NRDC: variants seen among roughly 807,000 people sequenced by gnomAD.
NRDC encodes the protein nardilysin convertase.
A neutral mutation model predicts 147.1 loss-of-function variants in NRDC; 54 were observed. That is an observed-to-expected ratio of 0.37 (90% CI 0.29 to 0.46). The LOEUF is 0.46. NRDC is among the 20% of genes least tolerant of loss of function. The pLI is 1.00. For missense variants in NRDC, 1,082 were observed against 1,370.6 expected, an observed-to-expected ratio of 0.79 and a Z score of 3.33; for synonymous variants, 440 against 482.1, an observed-to-expected ratio of 0.91 and a Z score of 1.14.
intron 14 of NRDC, among the ~76,000 whole-genome samples, chr1:51,812,628 G>A (rs1679781247): frequency 6.6e-6 from 1 of 152,064 alleles, no homozygotes; most frequent in African/African-American, 2.4e-5. Flanking sequence ...AACCCATTAG[G>A]TTCTAGTCAT....
intron 1 of NRDC, among the ~76,000 whole-genome samples, chr1:51,843,063 C>CA (rs11356852): frequency 0.4 from 27,180 of 68,354 alleles, 5,246 homozygotes; most frequent in East Asian, 0.84. Context: ...AAACCTGTCT[C>CA]AAAAAAAAAA....
At position 51,839,557 on chromosome 1, in the gene NRDC, G is replaced by A. The variant is rs139165880; in HGVS notation, c.630+669C>T. On this transcript the variant is annotated intron_variant, in intron 2 of 30. Transcript: ENST00000352171. ...GGGTACTCCCTACTATGAAAATGGA[G>A]GTATTCTTCAAAAGATATTAAGAAA... Among the ~76,000 whole-genome samples the A allele has an allele frequency of 2.2e-3, 332 of 152,122 alleles. 7 individuals are homozygous for A. The highest frequency in any genetic ancestry group is 0.02 in the Admixed American group (305 of 15,260).
chr1:51,840,359 T>C lies in NRDC; in HGVS notation c.497A>G (p.Asp166Gly). 2 of 1,533,500 alleles carry C rather than the reference T, an allele frequency of 1.3e-6. No individual in the cohort carries two copies. The highest frequency in any genetic ancestry group is 1.8e-6 in the Non-Finnish European group (2 of 1,107,306). 95.0% of individuals were successfully genotyped at this position (1,533,500 alleles called of 1,614,324 possible). Residue 166 changes from aspartate (D) to glycine (G), a missense_variant, in exon 2 of 31, where the codon GAT becomes GGT. Physicochemically the swap from Asp to Gly is moderately conservative, Grantham distance 94. Coordinates refer to ENST00000352171, the MANE Select transcript of NRDC (RefSeq NM_001101662.2). ...ATCATCAAAACCCTCTTCATCGTCA[T>C]CTTCTATTTCAGCTCCAGAATCTTC... ...DDEDSGAEIE[D>G]DDEEGFDDED... is the part of the protein sequence containing the mutation.
intron 25 of NRDC, 88 bp downstream of exon 25, chr1:51,792,289 C>T: frequency 7.1e-7 from 1 of 1,411,944 alleles, no homozygotes; most frequent in Non-Finnish European, 1.0e-6. Flanking sequence ...CTCTGACTAC[C>T]CCATGTCCCT....
At chr1:51,857,041 T>C (rs949111101) in intron 1 of NRDC, among the ~76,000 whole-genome samples, 1 of 152,178 alleles carries the variant, frequency 6.6e-6, no homozygotes, top group Non-Finnish European at 1.5e-5. Flanking sequence ...TAACAAGGGC[T>C]ATGGGAGTTA....
chr1:51,847,337 C>T (rs140144601), intron 1 of NRDC, among the ~76,000 whole-genome samples: 2,392 of 152,362 alleles, frequency 0.016, 32 homozygotes, highest in Non-Finnish European at 0.025. Flanking sequence ...CAGCACCGGG[C>T]CAGCAGGTGG....
At chr1:51,863,755 G>A (rs1308188118) in intron 1 of NRDC, among the ~76,000 whole-genome samples, 1 of 152,038 alleles carries the variant, frequency 6.6e-6, no homozygotes, top group African/African-American at 2.4e-5. Context: ...CTATAATAAT[G>A]TTAAAAGGAA....
chr1:51,848,667 C>G (rs1301230114), intron 1 of NRDC, among the ~76,000 whole-genome samples: 1 of 152,136 alleles, frequency 6.6e-6, no homozygotes, highest in Non-Finnish European at 1.5e-5. Flanking sequence ...CTTTCCTATA[C>G]ATCAAAGTAA....
At chr1:51,821,368 A>G (rs904105212) in intron 8 of NRDC, 130 bp downstream of exon 8, 3 of 553,660 alleles carry the variant, frequency 5.4e-6, no homozygotes, top group Non-Finnish European at 9.6e-6. Flanking sequence ...CTTGACAGTC[A>G]TTAAGTTTGT....
At chr1:51,827,626 T>C (rs1571874171) in intron 5 of NRDC, among the ~76,000 whole-genome samples, 170 bp downstream of exon 5, 3 of 152,342 alleles carry the variant, frequency 2.0e-5, no homozygotes, top group African/African-American at 7.2e-5. Flanking sequence ...ACTTCAAATC[T>C]ACACTGAATT....
At chr1:51,850,671 T>C (rs903749819) in intron 1 of NRDC, among the ~76,000 whole-genome samples, 4 of 152,212 alleles carry the variant, frequency 2.6e-5, no homozygotes, top group African/African-American at 9.7e-5. Flanking sequence ...CATCTGTCAC[T>C]TCAGTTGTTT....
At chr1:51,827,184 T>C (rs911909588) in intron 5 of NRDC, among the ~76,000 whole-genome samples, 1 of 152,220 alleles carries the variant, frequency 6.6e-6, no homozygotes, top group Non-Finnish European at 1.5e-5. Context: ...CAGGGGTCTG[T>C]TGACTTCCAG....
At chr1:51,830,607 C>T (rs139935849) in intron 4 of NRDC, among the ~76,000 whole-genome samples, 50 of 152,294 alleles carry the variant, frequency 3.3e-4, no homozygotes, top group South Asian at 1.9e-3. Context: ...CTACTCAGGA[C>T]GCCTCATCCT....
intron 24 of NRDC, among the ~76,000 whole-genome samples, chr1:51,793,662 A>T (rs1040013632): frequency 1.3e-5 from 2 of 152,174 alleles, no homozygotes; most frequent in Non-Finnish European, 1.5e-5. Flanking sequence ...AAGAAATGAT[A>T]ATCAGTCCAT....
At chr1:51,799,832 A>G (rs886735949) in intron 21 of NRDC, among the ~76,000 whole-genome samples, 1 of 152,240 alleles carries the variant, frequency 6.6e-6, no homozygotes, top group Non-Finnish European at 1.5e-5. Context: ...CAGACTGTGT[A>G]GCTGCCTTTC....
At chr1:51,860,437 C>A (rs764172444) in intron 1 of NRDC, among the ~76,000 whole-genome samples, 3 of 152,194 alleles carry the variant, frequency 2.0e-5, no homozygotes, top group Non-Finnish European at 4.4e-5. Context: ...CTCATAGCTG[C>A]CTCTGTGTTC....
intron 22 of NRDC, 126 bp downstream of exon 22, chr1:51,798,123 C>T: frequency 1.1e-6 from 1 of 874,600 alleles, no homozygotes; most frequent in South Asian, 1.9e-5. Flanking sequence ...GGTCAGGTTC[C>T]CTTCTAAACA....
chr1:51,866,486 T>A (rs1381105990), intron 1 of NRDC, among the ~76,000 whole-genome samples: 4 of 152,088 alleles, frequency 2.6e-5, no homozygotes, highest in Non-Finnish European at 5.9e-5. Flanking sequence ...TCTGAAATGC[T>A]AGAAACAACT....
chr1:51,846,731 C>T (rs1288253885), intron 1 of NRDC, among the ~76,000 whole-genome samples: 1 of 152,234 alleles, frequency 6.6e-6, no homozygotes, highest in African/African-American at 2.4e-5. Context: ...GGAACTCGAC[C>T]CAAGTGGGTT....
Sources: allele counts gnomAD v4.1 joint callset (sites outside exome capture counted in the v4.1 genomes callset), GRCh38; gene constraint gnomAD v4.1.1; transcripts MANE v1.5; gene names NCBI Gene and HGNC (gene_info 2026-07-23, HGNC 2026-07-21).